Variants in LRRIQ1 observed in about 807,000 individuals in gnomAD.
LRRIQ1 encodes leucine-rich repeat- and IQ domain-containing protein 1.
Under a neutral mutation model 211.9 loss-of-function variants are expected in LRRIQ1, and 210 were observed. The ratio of observed to expected loss-of-function variants is 0.99; its 90% CI spans 0.89 to 1.11. The LOEUF is 1.11. Ranked by LOEUF, LRRIQ1 falls within the 50% of genes most tolerant of loss-of-function variation. The pLI is 0.00. For synonymous variants in LRRIQ1, 699 were observed against 650.1 expected, an observed-to-expected ratio of 1.08 and a Z score of -1.14; for missense variants, 2,136 against 1,939.5, an observed-to-expected ratio of 1.10 and a Z score of -1.90.
Position 85,169,151 on chromosome 12 carries a change from C to T in LRRIQ1, c.4822+8437C>T, listed in dbSNP as rs149269423. Among the ~76,000 whole-genome samples the T allele has an allele frequency of 1.1e-4, 16 of 152,196 alleles. No homozygotes were observed. In the East Asian group the frequency reaches 2.7e-3, roughly 26 times the overall value. On this transcript the variant is annotated intron_variant, in intron 24 of 26. Transcript: ENST00000393217. ...ACAAGCAGGCTTTTGAGATAGGAGA[C>T]AAAACTTCATTCCTTTTGGAAAAGA...
intron 1 of LRRIQ1, among the ~76,000 whole-genome samples, chr12:85,255,491 C>A (rs1357847040): frequency 6.6e-6 from 1 of 151,660 alleles, no homozygotes; most frequent in Non-Finnish European, 1.5e-5. Context: ...ATAACTGTGG[C>A]CAATTTAAAC....
At chr12:85,185,552 A>G (rs1285288665) in intron 24 of LRRIQ1, among the ~76,000 whole-genome samples, 2 of 151,978 alleles carry the variant, frequency 1.3e-5, no homozygotes, top group Admixed American at 6.6e-5. Context: ...AACAAAAATT[A>G]TAGCATAACT....
At chr12:85,104,399 T>TA (rs1039829036) in intron 14 of LRRIQ1, among the ~76,000 whole-genome samples, 2 of 151,888 alleles carry the variant, frequency 1.3e-5, no homozygotes, top group African/African-American at 4.8e-5. Context: ...AGTCACTCAT[T>TA]AAAAATTTAT....
At chr12:85,256,534 C>T (rs965313465) in intron 1 of LRRIQ1, among the ~76,000 whole-genome samples, 63 of 151,560 alleles carry the variant, frequency 4.2e-4, no homozygotes, top group African/African-American at 1.4e-3. Flanking sequence ...AAATGTCTCC[C>T]TGCTAAGAAC....
chr12:85,059,177 A>G lies in LRRIQ1; in HGVS notation c.2391+1993A>G, dbSNP rs1216705082. Among the ~76,000 whole-genome samples, 4 of 151,944 alleles carry G rather than the reference A, an allele frequency of 2.6e-5. No individual in the cohort carries two copies. In the East Asian group the frequency reaches 5.8e-4, roughly 22 times the overall value. On this transcript the variant is annotated intron_variant, in intron 8 of 26. Coordinates refer to ENST00000393217, the MANE Select transcript of LRRIQ1 (RefSeq NM_001079910.2). ...ATCCTTATCCTGATCACTCACTGCC[A>G]TCCTTGGGATGTCCTTCTGGAGATC...
At chr12:85,199,007 A>T (rs1168189323) in intron 24 of LRRIQ1, among the ~76,000 whole-genome samples, 1 of 152,120 alleles carries the variant, frequency 6.6e-6, no homozygotes. Context: ...GGTTCTGGAT[A>T]TTAGAGCTTT....
At chr12:85,211,625 T>C (rs1432804950) in intron 24 of LRRIQ1, among the ~76,000 whole-genome samples, 2 of 152,190 alleles carry the variant, frequency 1.3e-5, no homozygotes, top group African/African-American at 4.8e-5. Flanking sequence ...AAAGTGACAG[T>C]TATTTTTATA....
chr12:85,060,422 T>C (rs2136021146), intron 8 of LRRIQ1, among the ~76,000 whole-genome samples: 1 of 152,092 alleles, frequency 6.6e-6, no homozygotes, highest in African/African-American at 2.4e-5. Context: ...TAATGGTAAC[T>C]TGTATTAAGT....
At position 85,081,898 on chromosome 12, in the gene LRRIQ1, T is replaced by A. The variant is rs1021159493; in HGVS notation, c.2887+8800T>A. Among the ~76,000 whole-genome samples the A allele has an allele frequency of 2.0e-5, 3 of 152,010 alleles. No homozygotes were observed. The East Asian group carries it at 5.8e-4, about 30-fold the overall frequency. ...ACCAAGCCTGGCTAATTTTTTTGTA[T>A]TTTTAGTAGAGAAGGGGTTTCACCA... On this transcript the variant is annotated intron_variant, in intron 11 of 26. Transcript: ENST00000393217.
At chr12:85,117,509 G>A (rs1273982824) in intron 15 of LRRIQ1, among the ~76,000 whole-genome samples, 1 of 152,108 alleles carries the variant, frequency 6.6e-6, no homozygotes, top group Admixed American at 6.5e-5. Context: ...CTATTTCAAA[G>A]ACTAGAACAT....
intron 24 of LRRIQ1, among the ~76,000 whole-genome samples, chr12:85,176,661 G>T (rs1891719656): frequency 6.6e-6 from 1 of 150,842 alleles, no homozygotes; most frequent in Non-Finnish European, 1.5e-5. Context: ...GTTAGTGGGT[G>T]CAGTGCACCA....
intron 1 of LRRIQ1, among the ~76,000 whole-genome samples, chr12:85,259,170 G>A (rs1340128393): frequency 6.6e-6 from 1 of 151,942 alleles, no homozygotes; most frequent in Non-Finnish European, 1.5e-5. Flanking sequence ...GCAGCAGATT[G>A]TTGTTAAACA....
rs139290178 is a variant in LRRIQ1 at position 85,073,435 on chromosome 12, T to C, written c.2887+337T>C. 6.6e-3 allele frequency among the ~76,000 whole-genome samples: 1,009 copies of C among 152,130 alleles called. 5 individuals carry two copies. The highest frequency in any genetic ancestry group is 8.6e-3 in the Non-Finnish European group (582 of 67,972). On this transcript the variant is annotated intron_variant, in intron 11 of 26. Coordinates refer to ENST00000393217, the MANE Select transcript of LRRIQ1 (RefSeq NM_001079910.2). Reference sequence around the variant, plus strand: ...TAAAATAATTTTGTTGTTGTTGGAGTGAAGGCAAGTGCATTGATAATGTAT... The same window carrying C: ...TAAAATAATTTTGTTGTTGTTGGAGCGAAGGCAAGTGCATTGATAATGTAT...
intron 9 of LRRIQ1, 94 bp downstream of exon 9, chr12:85,065,508 TA>T (rs1277445508): frequency 2.0e-6 from 2 of 1,017,524 alleles, no homozygotes; most frequent in Admixed American, 6.2e-5. Context: ...AAGAAACAAT[TA>T]CTAAACTAAC....
intron 25 of LRRIQ1, among the ~76,000 whole-genome samples, chr12:85,230,223 A>C (rs1466795902): frequency 6.6e-6 from 1 of 152,210 alleles, no homozygotes; most frequent in Non-Finnish European, 1.5e-5. Flanking sequence ...TGTTATATTA[A>C]TGTATGTACC....
chr12:85,104,269 T>A (rs1230320789), intron 14 of LRRIQ1, among the ~76,000 whole-genome samples, 192 bp downstream of exon 14: 2 of 151,982 alleles, frequency 1.3e-5, no homozygotes, highest in Non-Finnish European at 2.9e-5. Flanking sequence ...CACATCTTTC[T>A]GGTAGGCCTA....
At chr12:85,118,937 A>G (rs1432357382) in intron 15 of LRRIQ1, among the ~76,000 whole-genome samples, 1 of 152,096 alleles carries the variant, frequency 6.6e-6, no homozygotes, top group African/African-American at 2.4e-5. Context: ...CCTCAACCCC[A>G]TACATGCACA....
At chr12:85,107,782 C>A (rs1204695864) in intron 15 of LRRIQ1, among the ~76,000 whole-genome samples, 2 of 151,970 alleles carry the variant, frequency 1.3e-5, no homozygotes, top group African/African-American at 4.8e-5. Flanking sequence ...TCTTCAAATT[C>A]TCTGATATTT....
chr12:85,270,680 TAAC>T, the LRRIQ1 span, among the ~76,000 whole-genome samples: 51 of 152,266 alleles, frequency 3.3e-4, no homozygotes, highest in Admixed American at 1.4e-3. Flanking sequence ...TTAAAATATA[TAAC>T]AACAACAAAC....
Sources: gnomAD v4.1 joint callset for allele counts (sites outside exome capture counted in the v4.1 genomes callset) on GRCh38, gnomAD v4.1.1 for gene constraint, MANE v1.5 for transcripts, NCBI Gene and HGNC (gene_info 2026-07-23, HGNC 2026-07-21) for gene names.